Variants in BCAS3 observed in about 807,000 individuals in gnomAD.
BCAS3 encodes BCAS3 microtubule associated cell migration factor, also known as BCAS4/BCAS3 fusion.
Under a neutral mutation model 116.1 loss-of-function variants are expected in BCAS3, and 53 were observed. The ratio of observed to expected loss-of-function variants is 0.46; its 90% confidence interval spans 0.37 to 0.57. The LOEUF is 0.57. Among genes scored for constraint, BCAS3 ranks in the 20% least tolerant of loss-of-function variants. BCAS3 has a pLI of 0.00. For synonymous variants in BCAS3, 391 were observed against 408.2 expected, an observed-to-expected ratio of 0.96 and a Z score of 0.51; for missense variants, 917 against 1,165.4, an observed-to-expected ratio of 0.79 and a Z score of 3.10.
Position 61,144,519 on chromosome 17 carries a change from G to T in BCAS3, c.2425+59955G>T, listed in dbSNP as rs1471668569. 1.3e-5 allele frequency among the ~76,000 whole-genome samples: 2 copies of T among 152,120 alleles called. No individual in the cohort carries two copies. Among genetic ancestry groups the T allele is most frequent in the African/African-American group, 4.8e-5 (2 of 41,428 alleles). The stretch of plus-strand genomic sequence containing the variant: ...ACATCCAGTAAGCAGCCCTTTTTAG[G>T]CCTAAAATGTTGACTACTTTATCTC... On this transcript the variant is annotated intron_variant, in intron 22 of 23. Transcript: ENST00000407086. The surrounding 1 kb of genome is among the most constrained non-coding windows in gnomAD (Gnocchi z 5.0).
chr17:61,137,137 A>C (rs2076685073), intron 22 of BCAS3, among the ~76,000 whole-genome samples: 1 of 152,206 alleles, frequency 6.6e-6, no homozygotes, highest in Non-Finnish European at 1.5e-5. Context: ...CATTGATGCC[A>C]AATATATATA....
chr17:61,103,783 A>G (rs1018990716), intron 22 of BCAS3, among the ~76,000 whole-genome samples: 14 of 152,178 alleles, frequency 9.2e-5, no homozygotes, highest in Non-Finnish European at 1.5e-4. Flanking sequence ...TTTCATCTCT[A>G]TAAGGAAAAG....
intron 22 of BCAS3, among the ~76,000 whole-genome samples, chr17:61,096,127 G>A (rs562391931): frequency 2.3e-4 from 35 of 152,276 alleles, no homozygotes; most frequent in Middle Eastern, 6.8e-3. Context: ...CCTCTGAGTA[G>A]CTGAGATTAC....
In BCAS3 at chr17:61,265,696, T is replaced by TC. The variant is rs1301287361; in HGVS notation, c.2426-102631_2426-102630insC. 2.5e-5 allele frequency among the ~76,000 whole-genome samples: 2 copies of TC among 79,292 alleles called. No individual in the cohort carries two copies. The highest frequency in any genetic ancestry group is 1.4e-4 in the Admixed American group (1 of 7,248). The allele number at this position is 79,292 out of a possible 152,430, so 52.0% of individuals were successfully genotyped here. The stretch of plus-strand genomic sequence containing the variant: ...TAACTATGTAACACCATCATTCTTT[T>TC]TTCCCCCCCATCAAGTAGTATATCT... On this transcript the variant is annotated intron_variant, in intron 22 of 23. Transcript: ENST00000407086. This position sits in a 1 kb window ranked among gnomAD's most constrained non-coding sequence, Gnocchi z 4.3.
intron 4 of BCAS3, among the ~76,000 whole-genome samples, chr17:60,708,309 A>C (rs1462651415): frequency 7.1e-6 from 1 of 140,036 alleles, no homozygotes; most frequent in Admixed American, 7.3e-5. Flanking sequence ...TGGATGAAGG[A>C]GTGAGATTCT....
intron 22 of BCAS3, among the ~76,000 whole-genome samples, chr17:61,296,490 G>A (rs190001063): frequency 1.3e-5 from 2 of 152,118 alleles, no homozygotes; most frequent in Admixed American, 6.6e-5. Flanking sequence ...TAATTTTGAC[G>A]AAGGTACATG....
chr17:60,810,666 G>A (rs2048723865), intron 7 of BCAS3: 1 of 669,248 alleles, frequency 1.5e-6, no homozygotes, highest in Non-Finnish European at 2.8e-6. Context: ...TTAGAGTCAA[G>A]TATGAGACAG....
intron 22 of BCAS3, among the ~76,000 whole-genome samples, chr17:61,127,260 C>T (rs189363178): frequency 2.0e-5 from 3 of 152,076 alleles, no homozygotes; most frequent in Non-Finnish European, 4.4e-5. Context: ...GGTCTCTATT[C>T]CATGTTATCT....
At chr17:60,811,011 C>T in intron 7 of BCAS3, 3 of 664,242 alleles carry the variant, frequency 4.5e-6, no homozygotes, top group Admixed American at 1.9e-5. Context: ...CCACAGTGGT[C>T]ACCATGCAGT....
intron 22 of BCAS3, among the ~76,000 whole-genome samples, chr17:61,232,508 T>G (rs541437754): frequency 6.0e-4 from 91 of 152,276 alleles, no homozygotes; most frequent in South Asian, 2.1e-4. Context: ...ATGTGTTGTA[T>G]TCATGGCAGT....
In BCAS3 at chr17:60,936,853, CT is replaced by C. The variant is rs56263573; in HGVS notation, c.1088-10363del. Among the ~76,000 whole-genome samples the C allele has an allele frequency of 3.0e-3, 460 of 152,296 alleles. 1 individual carries two copies. The highest frequency in any genetic ancestry group is 0.017 in the Middle Eastern group (5 of 294). On this transcript the variant is annotated intron_variant, in intron 13 of 23. Transcript: ENST00000407086. ...TAGTTTCTTTTGCTGTGCAGACGCT[CT>C]TTAGTTTAATTAGATCCCATTTGTC...
rs569716061 is a variant in BCAS3 at position 60,940,341 on chromosome 17, T to A, written c.1088-6878T>A. ...GATAACGATATACTATATTTTAGGCTACTAAAGTGGAAGAATACATTGATG... is the reference window on the plus strand; with the variant it reads ...GATAACGATATACTATATTTTAGGCAACTAAAGTGGAAGAATACATTGATG... On this transcript the variant is annotated intron_variant, in intron 13 of 23. Coordinates refer to ENST00000407086, the MANE Select transcript of BCAS3 (RefSeq NM_017679.5). 1.1e-3 allele frequency among the ~76,000 whole-genome samples: 174 copies of A among 152,358 alleles called. 1 individual carries two copies. The highest frequency in any genetic ancestry group is 4.1e-3 in the African/African-American group (169 of 41,592).
intron 22 of BCAS3, among the ~76,000 whole-genome samples, chr17:61,318,455 A>G (rs1311508024): frequency 6.6e-6 from 1 of 152,026 alleles, no homozygotes. Context: ...AGACGGCACC[A>G]TCTCCCTCTC....
At chr17:61,070,085 A>C in intron 19 of BCAS3, 1 of 1,579,294 alleles carries the variant, frequency 6.3e-7, no homozygotes, top group Admixed American at 1.7e-5. Flanking sequence ...AACAAGCTTG[A>C]CCACTATGCT....
chr17:61,260,082 C>T (rs2049070493), intron 22 of BCAS3, among the ~76,000 whole-genome samples: 1 of 152,094 alleles, frequency 6.6e-6, no homozygotes, highest in African/African-American at 2.4e-5. Context: ...AATAACTTGC[C>T]GAAGGTTTAA....
chr17:60,957,752 C>G (rs2061215586), intron 14 of BCAS3, among the ~76,000 whole-genome samples: 3 of 152,114 alleles, frequency 2.0e-5, no homozygotes, highest in Admixed American at 1.3e-4. Context: ...GGCTAAATAC[C>G]TTCTCTAATC....
At chr17:60,860,768 A>G (rs113708086) in intron 7 of BCAS3, among the ~76,000 whole-genome samples, 3,119 of 152,096 alleles carry the variant, frequency 0.021, 60 homozygotes, top group Middle Eastern at 0.031. Context: ...ATTGTTTGTT[A>G]TCATCAACTT....
In BCAS3 at chr17:60,851,332, G is replaced by A. The variant is rs375366899; in HGVS notation, c.477-17244G>A. ...GCAGCCCAGCTTCGCAAAGGCTCTC[G>A]GCATGCTGCGGCCCGCAGGCACCTG... On this transcript the variant is annotated intron_variant, in intron 7 of 23. Coordinates refer to ENST00000407086, the MANE Select transcript of BCAS3 (RefSeq NM_017679.5). The A allele has an allele frequency of 8.4e-4, 286 of 339,862 alleles. 1 individual carries two copies. The highest frequency in any genetic ancestry group is 5.8e-3 in the African/African-American group (262 of 45,020). 21.1% of individuals were successfully genotyped at this position (339,862 alleles called of 1,614,324 possible). A position where few individuals can be genotyped will look rare whatever the true frequency, so the allele number is the denominator to read the frequency against.
chr17:61,307,804 T>C lies in BCAS3; in HGVS notation c.2426-60523T>C, dbSNP rs2053965019. ...AATTCATACTTTTAATTCATTTTTT[T>C]GTAATACCTTCTGTTAGACACTTCC... On this transcript the variant is annotated intron_variant, in intron 22 of 23. Coordinates refer to ENST00000407086, the MANE Select transcript of BCAS3 (RefSeq NM_017679.5). The surrounding 1 kb of genome is among the most constrained non-coding windows in gnomAD (Gnocchi z 4.7). 6.6e-6 allele frequency among the ~76,000 whole-genome samples: 1 copy of C among 152,234 alleles called. No homozygotes were observed. The highest frequency in any genetic ancestry group is 1.5e-5 in the Non-Finnish European group (1 of 68,034).
Sources: gnomAD v4.1 joint callset for allele counts (sites outside exome capture counted in the v4.1 genomes callset) on GRCh38, gnomAD v4.1.1 for gene constraint, Gnocchi (gnomAD v3.1) non-coding constraint, MANE v1.5 for transcripts, NCBI Gene and HGNC (gene_info 2026-07-23, HGNC 2026-07-21) for gene names.